CSMD1: variants seen among roughly 807,000 people sequenced by gnomAD.
The protein encoded by CSMD1 is CUB and Sushi multiple domains 1, also known as CUB and sushi domain-containing protein 1.
Under a neutral mutation model 417.5 loss-of-function variants are expected in CSMD1, and 213 were observed. The observed-to-expected ratio is 0.51, with a 90% CI of 0.46 to 0.57. The LOEUF is 0.57. Among genes scored for constraint, CSMD1 ranks in the 20% least tolerant of loss-of-function variants. The probability of loss-of-function intolerance (pLI) is 0.00; values close to 1 mark genes in which losing one functional copy is unlikely to be tolerated. For missense variants in CSMD1, 6,923 were observed against 4,529.7 expected, an observed-to-expected ratio of 1.53 and a Z score of -15.17; for synonymous variants, 2,862 against 1,736.8, an observed-to-expected ratio of 1.65 and a Z score of -16.11.
chr8:4,772,962 G>A (rs1028594951), intron 1 of CSMD1, among the ~76,000 whole-genome samples: 1 of 152,102 alleles, frequency 6.6e-6, no homozygotes, highest in Admixed American at 6.5e-5. Flanking sequence ...TAACACATGG[G>A]ACATTTAAAG....
At chr8:4,288,192 G>C (rs946143024) in intron 3 of CSMD1, among the ~76,000 whole-genome samples, 1 of 152,088 alleles carries the variant, frequency 6.6e-6, no homozygotes, top group Non-Finnish European at 1.5e-5. Context: ...TTTTTTACTG[G>C]TACTGCAGTG....
At chr8:3,285,630 C>G (rs1803092857) in intron 25 of CSMD1, among the ~76,000 whole-genome samples, 2 of 151,942 alleles carry the variant, frequency 1.3e-5, no homozygotes, top group African/African-American at 4.8e-5. Context: ...AACTCCTCAC[C>G]TCAGGTGATC....
At chr8:3,988,835 A>G (rs1025838992) in intron 5 of CSMD1, among the ~76,000 whole-genome samples, 2 of 152,086 alleles carry the variant, frequency 1.3e-5, no homozygotes, top group African/African-American at 4.8e-5. Context: ...TTTAGGTCCT[A>G]TTTTTTCCTT....
intron 3 of CSMD1, among the ~76,000 whole-genome samples, chr8:4,385,998 CATTTT>C (rs1440167204): frequency 6.6e-6 from 1 of 151,108 alleles, no homozygotes; most frequent in Non-Finnish European, 1.5e-5. Flanking sequence ...TCCTCTGTTT[CATTTT>C]AACTTTCCCT....
chr8:3,719,582 T>C (rs1802030436), intron 6 of CSMD1, among the ~76,000 whole-genome samples: 3 of 152,128 alleles, frequency 2.0e-5, no homozygotes, highest in African/African-American at 7.2e-5. Context: ...AATACATCTC[T>C]TGCAAGAGTG....
intron 29 of CSMD1, among the ~76,000 whole-genome samples, chr8:3,215,921 CAG>C (rs1797854375): frequency 6.6e-6 from 1 of 151,262 alleles, no homozygotes; most frequent in Non-Finnish European, 1.5e-5. Context: ...ATCAACCAAA[CAG>C]AGATGTCTTT....
chr8:3,883,082 T>A (rs1324684280), intron 5 of CSMD1, among the ~76,000 whole-genome samples: 1 of 152,208 alleles, frequency 6.6e-6, no homozygotes, highest in Non-Finnish European at 1.5e-5. Context: ...CTTGACTATT[T>A]ACTCTAAGAA....
chr8:3,452,445 C>T (rs1815803175), intron 12 of CSMD1, among the ~76,000 whole-genome samples: 1 of 152,132 alleles, frequency 6.6e-6, no homozygotes, highest in South Asian at 2.1e-4. Context: ...ATGATATTGG[C>T]TGTGGGTTTG....
chr8:3,805,916 C>A (rs1344874292), intron 5 of CSMD1, among the ~76,000 whole-genome samples: 1 of 152,094 alleles, frequency 6.6e-6, no homozygotes, highest in South Asian at 2.1e-4. Context: ...TGGACATGCT[C>A]ACCAGAAAGC....
chr8:4,184,879 C>A lies in CSMD1; in HGVS notation c.416-152780G>T, dbSNP rs56341343. 7.0e-3 allele frequency among the ~76,000 whole-genome samples: 1,050 copies of A among 149,708 alleles called. 14 individuals carry two copies. The highest frequency in any genetic ancestry group is 0.026 in the African/African-American group (1,015 of 39,518). Reference sequence around the variant, plus strand: ...TTCGGAGGCCAAGGTGGGTGGATCACCTGAGGTCAGGAGTTCAAGACCAGC... The same window carrying A: ...TTCGGAGGCCAAGGTGGGTGGATCAACTGAGGTCAGGAGTTCAAGACCAGC... On this transcript the variant is annotated intron_variant, in intron 3 of 69. Coordinates refer to ENST00000635120, the MANE Select transcript of CSMD1 (RefSeq NM_033225.6).
rs558328470 is a variant in CSMD1, at chr8:4,127,767, T to C, written c.416-95668A>G. ...GCCAGCTACCAAGTCTTGACATATA[T>C]TGTCTCATTTAATCTTTACTCTGAA... On this transcript the variant is annotated intron_variant, in intron 3 of 69. Transcript: ENST00000635120. Among the ~76,000 whole-genome samples, 385 of 152,354 alleles carry C rather than the reference T, an allele frequency of 2.5e-3. 4 individuals carry two copies. The highest frequency in any genetic ancestry group is 8.8e-3 in the African/African-American group (365 of 41,572).
At chr8:3,452,026 C>T (rs1354800806) in intron 12 of CSMD1, among the ~76,000 whole-genome samples, 1 of 152,080 alleles carries the variant, frequency 6.6e-6, no homozygotes, top group Admixed American at 6.5e-5. Flanking sequence ...CGAAGAGGTC[C>T]TTCACATCCC....
intron 3 of CSMD1, among the ~76,000 whole-genome samples, chr8:4,168,791 T>C (rs1298549820): frequency 6.6e-6 from 1 of 152,110 alleles, no homozygotes; most frequent in Non-Finnish European, 1.5e-5. Context: ...ACTCTCCTCT[T>C]CCCTTTCATT....
At chr8:3,227,267 G>A (rs1450182335) in intron 27 of CSMD1, among the ~76,000 whole-genome samples, 1 of 152,020 alleles carries the variant, frequency 6.6e-6, no homozygotes, top group African/African-American at 2.4e-5. Flanking sequence ...CGGGCTTGGT[G>A]GTGGGCGCCT....
intron 1 of CSMD1, among the ~76,000 whole-genome samples, chr8:4,711,155 T>C (rs1808267971): frequency 6.9e-6 from 1 of 145,788 alleles, no homozygotes; most frequent in East Asian, 2.0e-4. Flanking sequence ...AACAATTTTC[T>C]CACAAAAAAA....
At chr8:4,413,673 C>G (rs764051681) in intron 3 of CSMD1, among the ~76,000 whole-genome samples, 2 of 152,112 alleles carry the variant, frequency 1.3e-5, no homozygotes, top group Admixed American at 6.6e-5. Flanking sequence ...CCGCGGATCC[C>G]AAGAACTTAC....
chr8:4,091,469 G>A (rs898916795), intron 3 of CSMD1, among the ~76,000 whole-genome samples: 11 of 152,130 alleles, frequency 7.2e-5, no homozygotes, highest in African/African-American at 2.7e-4. Context: ...ACAGCAAACA[G>A]AGGGATTTTT....
At chr8:3,966,066 A>G (rs1362678763) in intron 5 of CSMD1, among the ~76,000 whole-genome samples, 1 of 152,248 alleles carries the variant, frequency 6.6e-6, no homozygotes, top group South Asian at 2.1e-4. Context: ...CTAGAATAAA[A>G]TAACGAATGT....
intron 3 of CSMD1, among the ~76,000 whole-genome samples, chr8:4,133,734 TG>T (rs1187361045): frequency 2.0e-5 from 3 of 151,482 alleles, no homozygotes; most frequent in Admixed American, 1.3e-4. Context: ...TTTATGGTTA[TG>T]GTTTTTTTTA....
Sources: allele counts gnomAD v4.1 joint callset (sites outside exome capture counted in the v4.1 genomes callset), GRCh38; gene constraint gnomAD v4.1.1; transcripts MANE v1.5; gene names NCBI Gene and HGNC (gene_info 2026-07-23, HGNC 2026-07-21).